The following TRABD2B variants were observed in gnomAD, a reference collection of about 807,000 sequenced individuals.
TRABD2B encodes metalloprotease TIKI2.
Under a neutral mutation model 40.1 loss-of-function variants are expected in TRABD2B, and 14 were observed. The ratio of observed to expected loss-of-function variants is 0.35; its 90% confidence interval spans 0.23 to 0.55. The LOEUF is 0.55. TRABD2B is among the 20% of genes least tolerant of loss of function. TRABD2B has a pLI of 0.90. For missense variants in TRABD2B, 541 were observed against 648.6 expected, an observed-to-expected ratio of 0.83 and a Z score of 1.80; for synonymous variants, 263 against 277.0, an observed-to-expected ratio of 0.95 and a Z score of 0.50.
chr1:47,878,907 C>T (rs1644261576), intron 2 of TRABD2B, among the ~76,000 whole-genome samples: 1 of 151,814 alleles, frequency 6.6e-6, no homozygotes, highest in Non-Finnish European at 1.5e-5. Flanking sequence ...GACCAGCTTG[C>T]ACAACATAGT....
At chr1:47,870,858 A>G (rs1644130660) in intron 2 of TRABD2B, among the ~76,000 whole-genome samples, 2 of 152,136 alleles carry the variant, frequency 1.3e-5, no homozygotes, top group Non-Finnish European at 2.9e-5. Flanking sequence ...TTGAAGGACA[A>G]TGGGATTGTC....
At chr1:47,962,703 T>C (rs1271383379) in intron 2 of TRABD2B, among the ~76,000 whole-genome samples, 1 of 152,226 alleles carries the variant, frequency 6.6e-6, no homozygotes, top group African/African-American at 2.4e-5. Flanking sequence ...ACTGAGGCAC[T>C]GGTACAAAGT....
At chr1:47,868,755 A>G (rs1570164837) in intron 2 of TRABD2B, among the ~76,000 whole-genome samples, 1 of 152,170 alleles carries the variant, frequency 6.6e-6, no homozygotes, top group East Asian at 1.9e-4. Context: ...GTTGGGAACC[A>G]CTGCTCTAAA....
chr1:47,916,037 T>C (rs534895726), intron 2 of TRABD2B, among the ~76,000 whole-genome samples: 1 of 151,882 alleles, frequency 6.6e-6, no homozygotes, highest in Non-Finnish European at 1.5e-5. Context: ...TGCAAGGACC[T>C]GGGGTTGCTG....
rs139452574 is a variant in TRABD2B at position 47,768,846 on chromosome 1, C to G, written c.1350-2740G>C. ...GACATACATTGCTTGGTGCTATACA[C>G]GTGTTATGTTATTATTATTCCCCTT... On this transcript the variant is annotated intron_variant, in intron 6 of 6. Coordinates refer to ENST00000606738, the MANE Select transcript of TRABD2B (RefSeq NM_001194986.2). Among the ~76,000 whole-genome samples, 1,192 of 152,304 alleles carry G rather than the reference C, an allele frequency of 7.8e-3. 22 individuals are homozygous for G. The highest frequency in any genetic ancestry group is 0.028 in the African/African-American group (1,156 of 41,550).
chr1:47,921,047 C>T (rs1192321317), intron 2 of TRABD2B, among the ~76,000 whole-genome samples: 2 of 152,200 alleles, frequency 1.3e-5, no homozygotes, highest in Admixed American at 6.5e-5. Flanking sequence ...GAGGTTTGCA[C>T]TCTCAACTTG....
chr1:47,761,332 C>A lies in TRABD2B; in HGVS notation c.*4570G>T, dbSNP rs930292054. On this transcript the variant is annotated 3_prime_UTR_variant, in exon 7 of 7. Transcript: ENST00000606738. Reference sequence around the variant, plus strand: ...TCAGTTCTCGTGAACCCTTTCCTCCCCTGGGGTCAGGGAGTGGGGCAGAGC... The same window carrying A: ...TCAGTTCTCGTGAACCCTTTCCTCCACTGGGGTCAGGGAGTGGGGCAGAGC... The A allele has an allele frequency of 6.6e-6, 1 of 152,496 alleles. No homozygotes were observed. Among genetic ancestry groups the A allele is most frequent in the Non-Finnish European group, 1.5e-5 (1 of 68,160 alleles). The allele number at this position is 152,496 out of a possible 1,614,324, so 9.4% of individuals were successfully genotyped here.
chr1:47,901,082 CT>C (rs1207243405), intron 2 of TRABD2B, among the ~76,000 whole-genome samples: 3 of 152,146 alleles, frequency 2.0e-5, no homozygotes, highest in Non-Finnish European at 4.4e-5. Flanking sequence ...AACTGAAGGA[CT>C]GGTTTAATGA....
At chr1:47,965,969 T>G (rs1645596312) in intron 2 of TRABD2B, among the ~76,000 whole-genome samples, 1 of 152,060 alleles carries the variant, frequency 6.6e-6, no homozygotes, top group African/African-American at 2.4e-5. Flanking sequence ...AAGGGGGAAA[T>G]AACCTAAACA....
chr1:47,793,226 C>T (rs1004073253), intron 4 of TRABD2B, among the ~76,000 whole-genome samples: 1 of 152,190 alleles, frequency 6.6e-6, no homozygotes, highest in African/African-American at 2.4e-5. Context: ...TAAACTGAGG[C>T]TACAAGAGGG....
rs116614008 is a variant in TRABD2B, at chr1:47,905,992, C to T, written c.666+88042G>A. On this transcript the variant is annotated intron_variant, in intron 2 of 6. Coordinates refer to ENST00000606738, the MANE Select transcript of TRABD2B (RefSeq NM_001194986.2). ...ATTACTCCTGGGCTTAGAGGTCTTC[C>T]AGCACTCCTGCCATGTCTCATTTTT... Among the ~76,000 whole-genome samples the T allele has an allele frequency of 2.1e-3, 325 of 152,292 alleles. 2 individuals carry two copies. The highest frequency in any genetic ancestry group is 7.4e-3 in the African/African-American group (308 of 41,560).
At chr1:47,857,234 G>A (rs763848013) in intron 2 of TRABD2B, among the ~76,000 whole-genome samples, 2 of 152,198 alleles carry the variant, frequency 1.3e-5, no homozygotes, top group Non-Finnish European at 2.9e-5. Context: ...TGGGCCTTTA[G>A]TAGGTGCTCC....
intron 2 of TRABD2B, among the ~76,000 whole-genome samples, chr1:47,938,863 G>A (rs927276899): frequency 3.9e-5 from 6 of 152,178 alleles, no homozygotes; most frequent in Admixed American, 6.5e-5. Flanking sequence ...TTCTTGGCAG[G>A]AGGAGGATAA....
intron 2 of TRABD2B, among the ~76,000 whole-genome samples, chr1:47,909,084 T>C (rs1195361448): frequency 1.3e-5 from 2 of 152,264 alleles, no homozygotes; most frequent in Admixed American, 1.3e-4. Context: ...GGTCACCAAC[T>C]GACCTTGGCT....
intron 2 of TRABD2B, among the ~76,000 whole-genome samples, chr1:47,907,856 G>C (rs140726904): frequency 7.1e-4 from 108 of 152,308 alleles, no homozygotes; most frequent in African/African-American, 2.4e-3. Context: ...TTAACTGCAG[G>C]ATTCACTGGC....
At chr1:47,767,575 A>G (rs1281746874) in intron 6 of TRABD2B, among the ~76,000 whole-genome samples, 2 of 152,204 alleles carry the variant, frequency 1.3e-5, no homozygotes, top group Admixed American at 6.5e-5. Context: ...TGAGGCACAA[A>G]GCGGTTAAGT....
chr1:47,779,828 T>C (rs1449092162), intron 4 of TRABD2B, among the ~76,000 whole-genome samples: 1 of 152,186 alleles, frequency 6.6e-6, no homozygotes, highest in Non-Finnish European at 1.5e-5. Flanking sequence ...TGCCTGTGAA[T>C]GGTGGTGACA....
chr1:47,822,082 C>T (rs759130903), intron 2 of TRABD2B, among the ~76,000 whole-genome samples: 51 of 152,132 alleles, frequency 3.4e-4, no homozygotes, highest in Non-Finnish European at 6.9e-4. Flanking sequence ...ACATCTTACA[C>T]AAAGGTACGT....
intron 3 of TRABD2B, among the ~76,000 whole-genome samples, chr1:47,800,335 C>T (rs867545897): frequency 7.2e-5 from 11 of 152,202 alleles, no homozygotes; most frequent in Middle Eastern, 3.4e-3. Flanking sequence ...ACTGAGATGA[C>T]GAGATTTTAG....
Sources: allele counts gnomAD v4.1 joint callset (sites outside exome capture counted in the v4.1 genomes callset), GRCh38; gene constraint gnomAD v4.1.1; transcripts MANE v1.5; gene names NCBI Gene and HGNC (gene_info 2026-07-23, HGNC 2026-07-21).